The following PARN variants were observed in gnomAD, a reference collection of about 807,000 sequenced individuals.
The protein encoded by PARN is poly(A)-specific ribonuclease PARN.
In PARN, 71 loss-of-function variants were observed where a neutral mutation model predicts 102.8. The ratio of observed to expected loss-of-function variants is 0.69; its 90% CI spans 0.57 to 0.84. The LOEUF is 0.84. Ranked by LOEUF, PARN falls within the 40% of genes least tolerant of loss-of-function variation. The probability of loss-of-function intolerance (pLI) is 0.00; values close to 1 mark genes in which losing one functional copy is unlikely to be tolerated. For missense variants in PARN, 782 were observed against 760.9 expected (o/e 1.03, Z -0.33); for synonymous variants, 261 against 252.9 (o/e 1.03, Z -0.30).
intron 13 of PARN, among the ~76,000 whole-genome samples, chr16:14,591,362 G>C (rs1970183967): frequency 6.7e-6 from 1 of 149,086 alleles, no homozygotes; most frequent in African/African-American, 2.5e-5. Flanking sequence ...CTGCACTCCA[G>C]CCTGGCAACA....
intron 6 of PARN, among the ~76,000 whole-genome samples, chr16:14,613,309 CAA>C (rs754334898): frequency 9.5e-5 from 7 of 73,348 alleles, no homozygotes; most frequent in East Asian, 4.2e-4. Flanking sequence ...AACTCCATCT[CAA>C]AAAAAAAAAA....
intron 22 of PARN, among the ~76,000 whole-genome samples, chr16:14,480,813 C>A (rs1963335716): frequency 6.6e-6 from 1 of 152,010 alleles, no homozygotes; most frequent in African/African-American, 2.4e-5. Context: ...TGGTGGTGCA[C>A]ATCTGTAGTC....
chr16:14,627,389 A>G, intron 3 of PARN, 53 bp from the exon 4 acceptor site: 3 of 1,293,212 alleles, frequency 2.3e-6, no homozygotes, highest in Middle Eastern at 3.6e-4. Flanking sequence ...ATTCCATGTG[A>G]GCATAGCATT....
intron 6 of PARN, among the ~76,000 whole-genome samples, chr16:14,617,167 G>A (rs565322199): frequency 5.3e-5 from 8 of 151,258 alleles, no homozygotes; most frequent in East Asian, 1.9e-4. Flanking sequence ...GGCAGATCAC[G>A]AGGTCAGGAG....
chr16:14,519,086 T>C (rs1315402170), intron 21 of PARN, among the ~76,000 whole-genome samples: 1 of 151,920 alleles, frequency 6.6e-6, no homozygotes, highest in Non-Finnish European at 1.5e-5. Flanking sequence ...GATTATATGA[T>C]ATTCTATTTC....
At chr16:14,556,517 A>G (rs1384030378) in intron 18 of PARN, among the ~76,000 whole-genome samples, 1 of 152,158 alleles carries the variant, frequency 6.6e-6, no homozygotes, top group Non-Finnish European at 1.5e-5. Flanking sequence ...CCTGGGCCAA[A>G]TATTTATCAC....
intron 18 of PARN, among the ~76,000 whole-genome samples, chr16:14,580,443 A>G (rs1396710393): frequency 6.6e-6 from 1 of 151,576 alleles, no homozygotes; most frequent in East Asian, 1.9e-4. Flanking sequence ...ACATGCCACC[A>G]CGCCTGGCTA....
At chr16:14,572,875 G>C (rs965343544) in intron 18 of PARN, among the ~76,000 whole-genome samples, 6 of 151,508 alleles carry the variant, frequency 4.0e-5, no homozygotes, top group Non-Finnish European at 8.8e-5. Context: ...TAGCATGTTA[G>C]ATCTTTTTGT....
At chr16:14,488,192 A>G (rs559061727) in intron 21 of PARN, among the ~76,000 whole-genome samples, 23 of 151,324 alleles carry the variant, frequency 1.5e-4, no homozygotes, top group South Asian at 1.5e-3. Context: ...CATGGGGGGG[A>G]AAAAAAAAGA....
intron 23 of PARN, among the ~76,000 whole-genome samples, chr16:14,438,875 G>C (rs191560410): frequency 6.6e-6 from 1 of 152,246 alleles, no homozygotes; most frequent in Admixed American, 6.5e-5. Context: ...GGACCAGAGG[G>C]GAAATGAAGG....
intron 21 of PARN, among the ~76,000 whole-genome samples, chr16:14,489,069 C>T (rs1232064441): frequency 6.6e-6 from 1 of 151,892 alleles, no homozygotes; most frequent in Non-Finnish European, 1.5e-5. Context: ...AAATGCAATC[C>T]CCCTCACGCC....
intron 21 of PARN, among the ~76,000 whole-genome samples, chr16:14,533,867 G>A (rs1966491905): frequency 6.6e-6 from 1 of 152,180 alleles, no homozygotes; most frequent in African/African-American, 2.4e-5. Flanking sequence ...TTCCTTGAAT[G>A]GAAAGCCAAT....
chr16:14,532,079 A>G (rs1295904198), intron 21 of PARN, among the ~76,000 whole-genome samples: 1 of 152,092 alleles, frequency 6.6e-6, no homozygotes, highest in African/African-American at 2.4e-5. Context: ...AATTAAATTA[A>G]ATTAAAATAT....
chr16:14,462,640 G>A (rs1018791905), intron 22 of PARN, among the ~76,000 whole-genome samples: 1 of 148,362 alleles, frequency 6.7e-6, no homozygotes, highest in Non-Finnish European at 1.5e-5. Context: ...CCCAGATTGA[G>A]AGACAGAGAG....
At chr16:14,517,612 T>C (rs545262459) in intron 21 of PARN, among the ~76,000 whole-genome samples, 2 of 152,382 alleles carry the variant, frequency 1.3e-5, no homozygotes, top group South Asian at 2.1e-4. Context: ...GAAGAGCCCA[T>C]ATGCTTATAT....
chr16:14,478,875 G>A (rs993287040), intron 22 of PARN, among the ~76,000 whole-genome samples: 3 of 152,002 alleles, frequency 2.0e-5, no homozygotes, highest in Admixed American at 6.5e-5. Flanking sequence ...TCCGCCTCCC[G>A]GGTTCAAGTG....
intron 12 of PARN, among the ~76,000 whole-genome samples, chr16:14,595,617 C>T (rs1475600462): frequency 6.6e-6 from 1 of 152,026 alleles, no homozygotes; most frequent in East Asian, 1.9e-4. Flanking sequence ...ACTGCAACCT[C>T]TGCCTTCCAG....
chr16:14,521,188 T>C (rs1183315755), intron 21 of PARN, among the ~76,000 whole-genome samples: 1 of 152,222 alleles, frequency 6.6e-6, no homozygotes, highest in Non-Finnish European at 1.5e-5. Flanking sequence ...CTTTTCTTTT[T>C]CATAAGAAAA....
At chr16:14,623,279 G>T (rs971520453) in intron 5 of PARN, among the ~76,000 whole-genome samples, 2 of 152,040 alleles carry the variant, frequency 1.3e-5, no homozygotes, top group African/African-American at 4.8e-5. Context: ...ACTTTGGGAG[G>T]CCGAGGTGGG....
Sources: allele counts gnomAD v4.1 joint callset (sites outside exome capture counted in the v4.1 genomes callset), GRCh38; gene constraint gnomAD v4.1.1; transcripts MANE v1.5; gene names NCBI Gene and HGNC (gene_info 2026-07-23, HGNC 2026-07-21).